SYTL5: variants seen among roughly 807,000 people sequenced by gnomAD.
The protein encoded by SYTL5 is synaptotagmin-like protein 5.
Under a neutral mutation model 55.9 loss-of-function variants are expected in SYTL5, and 34 were observed. The ratio of observed to expected loss-of-function variants is 0.61; its 90% CI spans 0.46 to 0.81. The LOEUF (loss-of-function observed/expected upper bound fraction) is 0.81. Among genes scored for constraint, SYTL5 ranks in the 30% least tolerant of loss-of-function variants. SYTL5 has a pLI of 0.00. For synonymous variants in SYTL5, 221 were observed against 188.7 expected (o/e 1.17, Z -1.40); for missense variants, 637 against 546.7 (o/e 1.17, Z -1.65).
At chrX:38,005,579 T>A (rs1933967932), upstream of SYTL5, among the ~76,000 whole-genome samples, 1 of 110,838 alleles carries the variant, frequency 9.0e-6, no homozygotes, top group South Asian at 3.8e-4. Context: ...TTATAGTAAC[T>A]GAAATTAATA....
At chrX:38,011,646 A>AG (rs1350138040) in intron 1 of SYTL5, among the ~76,000 whole-genome samples, 3 of 109,224 alleles carry the variant, frequency 2.7e-5, no homozygotes, top group Non-Finnish European at 5.7e-5. Flanking sequence ...AAAAAAAAAA[A>AG]AGAGAGTATA....
At chrX:38,013,875 C>A (rs1028563692) in intron 1 of SYTL5, among the ~76,000 whole-genome samples, 3 of 110,374 alleles carry the variant, frequency 2.7e-5, no homozygotes, top group Non-Finnish European at 5.7e-5. Context: ...TCTACTGGCC[C>A]CCTCAGTCCT....
At chrX:37,906,931 C>G in the SYTL5 span, among the ~76,000 whole-genome samples, 1 of 112,052 alleles carries the variant, frequency 8.9e-6, no homozygotes, top group Non-Finnish European at 1.9e-5. Context: ...CTTCTGTTAA[C>G]CTCTTTTAGA....
At chrX:37,910,939 T>C in the SYTL5 span, among the ~76,000 whole-genome samples, 2 of 109,362 alleles carry the variant, frequency 1.8e-5, no homozygotes, top group Admixed American at 2.0e-4. Context: ...GTATGTGAAG[T>C]TTGTAATTCT....
At chrX:38,042,197 A>AAT (rs1935305392) in intron 2 of SYTL5, among the ~76,000 whole-genome samples, 1 of 110,543 alleles carries the variant, frequency 9.0e-6, no homozygotes, top group Non-Finnish European at 1.9e-5. Flanking sequence ...TATATATAGA[A>AAT]ATATATATAG....
chrX:38,079,429 G>A (rs1283251381), intron 6 of SYTL5, among the ~76,000 whole-genome samples: 24 of 111,894 alleles, frequency 2.1e-4, no homozygotes, highest in Non-Finnish European at 4.1e-4. Context: ...GATGTTCACC[G>A]GTTGCTAGGG....
chrX:37,978,547 A>G, the SYTL5 span, among the ~76,000 whole-genome samples: 1 of 111,955 alleles, frequency 8.9e-6, no homozygotes, highest in African/African-American at 3.2e-5. Flanking sequence ...GTGAATCTCA[A>G]TTGAGCATGA....
At chrX:38,125,724 T>C (rs769126930) in intron 16 of SYTL5, among the ~76,000 whole-genome samples, 3 of 112,414 alleles carry the variant, frequency 2.7e-5, no homozygotes, top group East Asian at 5.6e-4. Context: ...GATTGGAAGA[T>C]ATCATATTTA....
chrX:38,104,306 T>G (rs751196104), intron 10 of SYTL5, among the ~76,000 whole-genome samples: 59 of 111,861 alleles, frequency 5.3e-4, no homozygotes, highest in Non-Finnish European at 1.0e-3. Flanking sequence ...CTGTGGTACC[T>G]CGATACACAG....
chrX:38,027,035 G>A (rs1218716832), intron 1 of SYTL5, among the ~76,000 whole-genome samples: 1 of 111,737 alleles, frequency 8.9e-6, no homozygotes, highest in African/African-American at 3.3e-5. Context: ...CTGAACAGGG[G>A]TGATGATATT....
chrX:37,973,627 AT>A, the SYTL5 span, among the ~76,000 whole-genome samples: 68 of 101,789 alleles, frequency 6.7e-4, no homozygotes, highest in African/African-American at 2.8e-3. Context: ...CAGAGGAGCA[AT>A]ATAAAACACT....
intron 3 of SYTL5, among the ~76,000 whole-genome samples, chrX:38,054,697 C>T (rs971895868): frequency 1.2e-4 from 13 of 109,190 alleles, no homozygotes; most frequent in African/African-American, 4.3e-4. Flanking sequence ...AATTGGAAGC[C>T]TCACTGAACC....
intron 2 of SYTL5, among the ~76,000 whole-genome samples, chrX:38,037,193 C>G (rs1359971222): frequency 8.9e-6 from 1 of 111,992 alleles, no homozygotes; most frequent in Non-Finnish European, 1.9e-5. Flanking sequence ...TCCATTGCCT[C>G]AAGGCAGAAC....
chrX:37,936,882 A>G, the SYTL5 span, among the ~76,000 whole-genome samples: 4 of 108,274 alleles, frequency 3.7e-5, no homozygotes, highest in African/African-American at 1.0e-4. Context: ...TCTCTCTTAA[A>G]AAAAAAAAAA....
chrX:38,030,852 G>A (rs1242309911), intron 1 of SYTL5, among the ~76,000 whole-genome samples: 1 of 112,196 alleles, frequency 8.9e-6, no homozygotes, highest in Non-Finnish European at 1.9e-5. Flanking sequence ...TAATTTTTAG[G>A]GCTAACCATG....
chrX:38,068,841 G>A (rs1021148863), intron 3 of SYTL5, among the ~76,000 whole-genome samples: 1 of 110,769 alleles, frequency 9.0e-6, no homozygotes, highest in Non-Finnish European at 1.9e-5. Flanking sequence ...CAACGGGATC[G>A]TTTATACCCC....
intron 7 of SYTL5, among the ~76,000 whole-genome samples, chrX:38,093,490 G>T (rs1322340511): frequency 9.0e-6 from 1 of 111,575 alleles, no homozygotes; most frequent in Non-Finnish European, 1.9e-5. Flanking sequence ...TAACACTCAA[G>T]AAAGCTTCGG....
intron 7 of SYTL5, among the ~76,000 whole-genome samples, chrX:38,091,293 A>C (rs138733051): frequency 8.9e-6 from 1 of 112,376 alleles, no homozygotes; most frequent in Non-Finnish European, 1.9e-5. Context: ...AGATTTATTT[A>C]AACATCTATA....
chrX:37,978,822 G>C, the SYTL5 span, among the ~76,000 whole-genome samples: 1 of 111,105 alleles, frequency 9.0e-6, no homozygotes, highest in Non-Finnish European at 1.9e-5. Context: ...GGTCTTTAAG[G>C]ATCTTGAGTA....
Sources: gnomAD v4.1 joint callset for allele counts (sites outside exome capture counted in the v4.1 genomes callset) on GRCh38, gnomAD v4.1.1 for gene constraint, MANE v1.5 for transcripts, NCBI Gene and HGNC (gene_info 2026-07-23, HGNC 2026-07-21) for gene names.